NEGR1: variants seen among roughly 807,000 people sequenced by gnomAD.
NEGR1 encodes neuronal growth regulator 1.
NEGR1 carries 10 observed loss-of-function variants against 40.9 expected under a neutral mutation model. The observed-to-expected ratio is 0.24, with a 90% CI of 0.15 to 0.42. The LOEUF (loss-of-function observed/expected upper bound fraction) is 0.42. Among genes scored for constraint, NEGR1 ranks in the 10% least tolerant of loss-of-function variants. The probability of loss-of-function intolerance (pLI) is 1.00; values close to 1 mark genes in which losing one functional copy is unlikely to be tolerated. For missense variants in NEGR1, 352 were observed against 438.9 expected, an observed-to-expected ratio of 0.80 and a Z score of 1.77; for synonymous variants, 185 against 166.8, an observed-to-expected ratio of 1.11 and a Z score of -0.84.
intron 2 of NEGR1, among the ~76,000 whole-genome samples, chr1:71,932,835 C>T (rs1645868009): frequency 6.6e-6 from 1 of 151,994 alleles, no homozygotes; most frequent in Non-Finnish European, 1.5e-5. Flanking sequence ...AAGAGGTGTA[C>T]ACATCAGTTT....
At chr1:71,946,950 G>A (rs1337789372) in intron 1 of NEGR1, among the ~76,000 whole-genome samples, 1 of 151,194 alleles carries the variant, frequency 6.6e-6, no homozygotes, top group African/African-American at 2.4e-5. Context: ...ACATGGTGGT[G>A]TGCTCCTGTA....
chr1:71,639,940 T>A (rs1021830100), intron 4 of NEGR1, among the ~76,000 whole-genome samples: 1 of 152,104 alleles, frequency 6.6e-6, no homozygotes, highest in African/African-American at 2.4e-5. Flanking sequence ...ATAATTGTTA[T>A]ACTTTTTGCA....
intron 6 of NEGR1, among the ~76,000 whole-genome samples, chr1:71,419,986 CAGAG>C (rs965864561): frequency 2.0e-5 from 3 of 151,300 alleles, no homozygotes; most frequent in Non-Finnish European, 4.4e-5. Flanking sequence ...TGGTAAAAAA[CAGAG>C]AGAGGTGTGC....
chr1:72,141,564 C>T (rs930546321), intron 1 of NEGR1, among the ~76,000 whole-genome samples: 1 of 151,934 alleles, frequency 6.6e-6, no homozygotes, highest in African/African-American at 2.4e-5. Context: ...ATTGGTACCT[C>T]TTATTAAAGT....
chr1:72,236,195 C>T (rs1181014688), intron 1 of NEGR1, among the ~76,000 whole-genome samples: 1 of 151,974 alleles, frequency 6.6e-6, no homozygotes, highest in Non-Finnish European at 1.5e-5. Flanking sequence ...GAAAACCAAA[C>T]ACCACATATT....
chr1:72,169,699 T>C (rs1430896170), intron 1 of NEGR1, among the ~76,000 whole-genome samples: 1 of 152,190 alleles, frequency 6.6e-6, no homozygotes, highest in African/African-American at 2.4e-5. Flanking sequence ...AACTCTCCAT[T>C]AAATGGATCT....
At chr1:72,062,919 G>A (rs925065594) in intron 1 of NEGR1, among the ~76,000 whole-genome samples, 10 of 151,904 alleles carry the variant, frequency 6.6e-5, no homozygotes, top group African/African-American at 2.4e-4. Flanking sequence ...AGTCTTCTCT[G>A]TTCAGAAGGT....
At chr1:72,015,805 C>T (rs1646704767) in intron 1 of NEGR1, among the ~76,000 whole-genome samples, 1 of 152,132 alleles carries the variant, frequency 6.6e-6, no homozygotes, top group African/African-American at 2.4e-5. Flanking sequence ...GGGTCTAAAA[C>T]CCCTCATGGC....
At chr1:71,766,188 A>AG (rs1330254255) in intron 3 of NEGR1, among the ~76,000 whole-genome samples, 2 of 151,712 alleles carry the variant, frequency 1.3e-5, no homozygotes, top group African/African-American at 2.4e-5. Flanking sequence ...AAAAAAAAAA[A>AG]AAGAAGAGAT....
chr1:71,658,114 C>T (rs1164454827), intron 4 of NEGR1, among the ~76,000 whole-genome samples: 2 of 152,160 alleles, frequency 1.3e-5, no homozygotes, highest in Non-Finnish European at 2.9e-5. Context: ...ATATCATAAG[C>T]ATATCTGTAT....
chr1:71,875,179 T>A (rs1660389881), intron 2 of NEGR1, among the ~76,000 whole-genome samples: 1 of 152,132 alleles, frequency 6.6e-6, no homozygotes, highest in Non-Finnish European at 1.5e-5. Context: ...TATACTTATA[T>A]TACATCACAA....
chr1:72,062,769 T>C (rs750780585), intron 1 of NEGR1, among the ~76,000 whole-genome samples: 2 of 151,972 alleles, frequency 1.3e-5, no homozygotes, highest in Non-Finnish European at 2.9e-5. Flanking sequence ...GAGCTGATTG[T>C]GGTGATCTGT....
intron 2 of NEGR1, among the ~76,000 whole-genome samples, chr1:71,901,598 C>T (rs781125417): frequency 9.2e-5 from 14 of 151,612 alleles, no homozygotes; most frequent in Non-Finnish European, 2.1e-4. Flanking sequence ...CCCTCCTAAC[C>T]ACAATGTGAC....
At chr1:71,551,993 T>TATATA (rs1427261374) in intron 6 of NEGR1, among the ~76,000 whole-genome samples, 1 of 151,520 alleles carries the variant, frequency 6.6e-6, no homozygotes, top group East Asian at 2.0e-4. Flanking sequence ...ACAAAGACTC[T>TATATA]TTCCTTGGTC....
chr1:71,654,847 C>T (rs537195103), intron 4 of NEGR1, among the ~76,000 whole-genome samples: 5 of 152,134 alleles, frequency 3.3e-5, no homozygotes, highest in African/African-American at 1.2e-4. Flanking sequence ...GTCTAATATA[C>T]AGCTTTAATC....
At chr1:71,533,657 AT>A (rs1050394184) in intron 6 of NEGR1, among the ~76,000 whole-genome samples, 1 of 151,684 alleles carries the variant, frequency 6.6e-6, no homozygotes, top group African/African-American at 2.4e-5. Context: ...TCCAGCAAAT[AT>A]CTAACAAATA....
chr1:72,064,964 TTTA>T (rs1194697942), intron 1 of NEGR1, among the ~76,000 whole-genome samples: 1 of 152,026 alleles, frequency 6.6e-6, no homozygotes, highest in Non-Finnish European at 1.5e-5. Context: ...CCAGTTCTGT[TTTA>T]TTATTATTAT....
intron 5 of NEGR1, among the ~76,000 whole-genome samples, chr1:71,598,748 T>A (rs1490052438): frequency 6.6e-6 from 1 of 152,260 alleles, no homozygotes; most frequent in Non-Finnish European, 1.5e-5. Flanking sequence ...TGCAGTATTT[T>A]AGAGTAATCC....
chr1:72,094,161 G>A (rs1569953458), intron 1 of NEGR1, among the ~76,000 whole-genome samples: 1 of 151,990 alleles, frequency 6.6e-6, no homozygotes, highest in East Asian at 1.9e-4. Flanking sequence ...TCAAGTGTAG[G>A]GGAAACCAAC....
Sources: allele counts gnomAD v4.1 joint callset (sites outside exome capture counted in the v4.1 genomes callset), GRCh38; gene constraint gnomAD v4.1.1; transcripts MANE v1.5; gene names NCBI Gene and HGNC (gene_info 2026-07-23, HGNC 2026-07-21).